The following NAT1 variants were observed in gnomAD, a reference collection of about 807,000 sequenced individuals.
The protein encoded by NAT1 is N-acetyltransferase 1, also known as arylamine N-acetyltransferase 1.
For synonymous variants in NAT1, 144 were observed against 122.6 expected (o/e 1.17, Z -1.16); for missense variants, 400 against 339.2 (o/e 1.18, Z -1.41).
intron 1 of NAT1, among the ~76,000 whole-genome samples, chr8:18,216,693 T>C (rs1050710003): frequency 2.0e-5 from 3 of 152,080 alleles, no homozygotes; most frequent in African/African-American, 7.2e-5. Flanking sequence ...AGAGAGTGGC[T>C]GGATTAAGAT....
chr8:18,222,414 G>C lies in NAT1; in HGVS notation c.367G>C (p.Ala123Pro). Reference sequence around the variant, plus strand: ...TGATGGCAGGAACTACATTGTCGATGCTGGGTTTGGACGCTCATACCAGAT... The same window carrying C: ...TGATGGCAGGAACTACATTGTCGATCCTGGGTTTGGACGCTCATACCAGAT... ...TIDGRNYIVD[A>P]GFGRSYQMWQ... Residue 123 changes from alanine (A) to proline (P), a missense_variant, in exon 3 of 3, where the codon GCT (alanine) becomes CCT (proline). By Grantham distance (27) the Ala-to-Pro change is conservative. Coordinates refer to ENST00000307719, the MANE Select transcript of NAT1 (RefSeq NM_000662.8). 6.2e-7 allele frequency: 1 copy of C among 1,614,086 alleles called. No individual in the cohort carries two copies. Among genetic ancestry groups the C allele is most frequent in the Non-Finnish European group, 8.5e-7 (1 of 1,180,008 alleles).
chr8:18,181,941 C>T (rs530650718), intron 2 of NAT1, among the ~76,000 whole-genome samples: 5 of 152,218 alleles, frequency 3.3e-5, no homozygotes, highest in East Asian at 3.9e-4. Flanking sequence ...ACTGTGGGGG[C>T]TCTGCCTGTG....
chr8:18,223,026 C>T lies in NAT1; in HGVS notation c.*106C>T. The stretch of plus-strand genomic sequence containing the variant: ...CCCTTACCTTATTTTGAAGAAAATC[C>T]TAGACATCAAATCATTTCACCTATA... On this transcript the variant is annotated 3_prime_UTR_variant, in exon 3 of 3. Transcript: ENST00000307719. The T allele has an allele frequency of 3.5e-6, 3 of 853,136 alleles. No individual in the cohort carries two copies. The highest frequency in any genetic ancestry group is 4.8e-6 in the Non-Finnish European group (3 of 620,468). The allele number at this position is 853,136 out of a possible 1,614,324, so 52.8% of individuals were successfully genotyped here. A position where few individuals can be genotyped will look rare whatever the true frequency, so the allele number is the denominator to read the frequency against.
In NAT1 at chr8:18,171,033, A is replaced by C. The variant is rs533914048; in HGVS notation, n.92+294A>C. ...AGTTAACTAGATTGGATCCAGTTAA[A>C]GGCCTTGGGGTAGGTAATTTTGATC... On this transcript the variant is annotated intron_variant and non_coding_transcript_variant, in intron 2 of 4. Coordinates refer to the NAT1 transcript ENST00000517441. 2.6e-5 allele frequency among the ~76,000 whole-genome samples: 4 copies of C among 152,316 alleles called. No homozygotes were observed. The South Asian group carries it at 8.3e-4, about 32-fold the overall frequency.
intron 2 of NAT1, among the ~76,000 whole-genome samples, chr8:18,181,478 G>C (rs550564430): frequency 5.9e-5 from 9 of 152,186 alleles, no homozygotes; most frequent in African/African-American, 2.2e-4. Context: ...GAGTCCTTAC[G>C]TTTTTCTAAA....
chr8:18,185,831 C>A (rs1007299012), intron 2 of NAT1, among the ~76,000 whole-genome samples: 1 of 151,944 alleles, frequency 6.6e-6, no homozygotes, highest in Non-Finnish European at 1.5e-5. Context: ...GGCTATGTCC[C>A]CAAAATTTGA....
At chr8:18,208,333 G>C (rs892512021), upstream of NAT1, among the ~76,000 whole-genome samples, 2 of 151,916 alleles carry the variant, frequency 1.3e-5, no homozygotes, top group Non-Finnish European at 2.9e-5. Flanking sequence ...AGCCTAAAAG[G>C]AAAAAGTAAA....
At chr8:18,200,140 TCAAA>T (rs1327985202) in intron 2 of NAT1, among the ~76,000 whole-genome samples, 1 of 152,186 alleles carries the variant, frequency 6.6e-6, no homozygotes, top group East Asian at 1.9e-4. Flanking sequence ...TGGTGATTGC[TCAAA>T]CAATTTAAAA....
chr8:18,200,058 T>C (rs933658304), intron 2 of NAT1, among the ~76,000 whole-genome samples: 3 of 152,140 alleles, frequency 2.0e-5, no homozygotes, highest in African/African-American at 7.2e-5. Flanking sequence ...CTTATCAGGT[T>C]GTGGAGAAAA....
At chr8:18,176,314 G>T (rs144828005) in intron 2 of NAT1, among the ~76,000 whole-genome samples, 21 of 152,084 alleles carry the variant, frequency 1.4e-4, no homozygotes, top group Middle Eastern at 3.4e-3. Flanking sequence ...TCCTCAATTT[G>T]ATTTTCACAG....
Position 18,222,421 on chromosome 8 carries a change from T to C in NAT1, c.374T>C (p.Phe125Ser), listed in dbSNP as rs1166797430. Residue 125 changes from phenylalanine (F) to serine (S), a missense_variant, in exon 3 of 3, where the codon TTT (phenylalanine) becomes TCT (serine). Coordinates refer to ENST00000307719, the MANE Select transcript of NAT1 (RefSeq NM_000662.8). ...AGGAACTACATTGTCGATGCTGGGTTTGGACGCTCATACCAGATGTGGCAG... is the reference window on the plus strand; with the variant it reads ...AGGAACTACATTGTCGATGCTGGGTCTGGACGCTCATACCAGATGTGGCAG... ...DGRNYIVDAG[F>S]GRSYQMWQPL... 6.2e-7 allele frequency: 1 copy of C among 1,613,990 alleles called. No individual in the cohort carries two copies. The highest frequency in any genetic ancestry group is 2.2e-5 in the East Asian group (1 of 44,888).
rs543878752 is a variant in NAT1, at chr8:18,186,159, T to C, written n.92+15420T>C. 4.7e-4 allele frequency among the ~76,000 whole-genome samples: 72 copies of C among 152,324 alleles called. No individual in the cohort carries two copies. The South Asian group carries it at 8.3e-3, about 18-fold the overall frequency. ...CCATGTTTTAAAAAAAATCTATTCA[T>C]ACTGATTTTTTGTGCTTTGATTTTA... On this transcript the variant is annotated intron_variant and non_coding_transcript_variant, in intron 2 of 4. Coordinates refer to the NAT1 transcript ENST00000517441.
rs1382935621 is a variant in NAT1, at chr8:18,210,179, T to C, written c.-87T>C. ...TTCCTGGTTGCCGGCTGAAATAACC[T>C]GGTAAGTGGAACTCTGTAAGGGGCT... On this transcript the variant is annotated splice_region_variant and 5_prime_UTR_variant, in exon 1 of 3. The change abolishes the stop of an existing upstream ORF in the 5' untranslated region. Coordinates refer to ENST00000307719, the MANE Select transcript of NAT1 (RefSeq NM_000662.8). 2 of 152,210 alleles carry C rather than the reference T, an allele frequency of 1.3e-5. No individual in the cohort carries two copies. The highest frequency in any genetic ancestry group is 4.8e-5 in the African/African-American group (2 of 41,430). 9.4% of individuals were successfully genotyped at this position (152,210 alleles called of 1,614,324 possible). A position where few individuals can be genotyped will look rare whatever the true frequency, so the allele number is the denominator to read the frequency against.
In NAT1 at chr8:18,221,483, A is replaced by G. The variant is rs8190854; in HGVS notation, c.-6-559A>G. ...ATGTCACTCCAACTCCCACTAAAAT[A>G]TAAGATTTTTGAGAGTAAGCAAGCA... On this transcript the variant is annotated intron_variant, in intron 2 of 2. Transcript: ENST00000307719. 6.4e-3 allele frequency among the ~76,000 whole-genome samples: 981 copies of G among 152,240 alleles called. 11 individuals are homozygous for G. Among genetic ancestry groups the G allele is most frequent in the African/African-American group, 0.022 (910 of 41,536 alleles).
At chr8:18,192,950 C>G (rs67929410) in intron 2 of NAT1, among the ~76,000 whole-genome samples, 118,235 of 150,588 alleles carry the variant, frequency 0.79, 46,482 homozygotes, top group Non-Finnish European at 0.8. Context: ...TGTAACTAAC[C>G]TGCACATTGT....
At chr8:18,196,044 T>G (rs928768331) in intron 2 of NAT1, among the ~76,000 whole-genome samples, 4 of 152,128 alleles carry the variant, frequency 2.6e-5, no homozygotes, top group Non-Finnish European at 4.4e-5. Flanking sequence ...AAGGATTAAT[T>G]TACAGAAAAA....
At chr8:18,180,941 G>C (rs1475018009) in intron 2 of NAT1, among the ~76,000 whole-genome samples, 1 of 152,080 alleles carries the variant, frequency 6.6e-6, no homozygotes, top group Non-Finnish European at 1.5e-5. Flanking sequence ...CTAATGTGAT[G>C]CTTCTAGTTA....
At chr8:18,175,370 C>T (rs1461081429) in intron 2 of NAT1, among the ~76,000 whole-genome samples, 7 of 152,046 alleles carry the variant, frequency 4.6e-5, no homozygotes, top group African/African-American at 1.7e-4. Context: ...TTCCCCATCC[C>T]TCCTCCTCTC....
intron 1 of NAT1, chr8:18,216,973 CTGA>C: frequency 6.4e-7 from 1 of 1,550,880 alleles, no homozygotes; most frequent in South Asian, 1.2e-5. Flanking sequence ...CTACCGGTCT[CTGA>C]TGATCACCAT....
Sources: allele counts gnomAD v4.1 joint callset (sites outside exome capture counted in the v4.1 genomes callset), GRCh38; gene constraint gnomAD v4.1.1; transcripts MANE v1.5; gene names NCBI Gene and HGNC (gene_info 2026-07-23, HGNC 2026-07-21).